CADPS2: variants seen among roughly 807,000 people sequenced by gnomAD.
CADPS2 encodes calcium dependent secretion activator 2.
In CADPS2, 93 loss-of-function variants were observed where a neutral mutation model predicts 172.5. The ratio of observed to expected loss-of-function variants is 0.54; its 90% CI spans 0.46 to 0.64. CADPS2 has a LOEUF of 0.64. Ranked by LOEUF, CADPS2 falls within the 30% of genes least tolerant of loss-of-function variation. The pLI, the probability that CADPS2 is intolerant of heterozygous loss-of-function variation, is 0.00. For synonymous variants in CADPS2, 546 were observed against 555.2 expected (o/e 0.98, Z 0.23); for missense variants, 1,420 against 1,565.9 (o/e 0.91, Z 1.57).
chr7:122,800,048 A>G (rs959739074), intron 1 of CADPS2, among the ~76,000 whole-genome samples: 4 of 152,244 alleles, frequency 2.6e-5, no homozygotes, highest in Non-Finnish European at 4.4e-5. Flanking sequence ...CAAACACTAC[A>G]TATGGCATAA....
chr7:122,656,104 T>C (rs2079744656), intron 3 of CADPS2, among the ~76,000 whole-genome samples: 1 of 152,166 alleles, frequency 6.6e-6, no homozygotes, highest in Non-Finnish European at 1.5e-5. Flanking sequence ...GAATATTTAC[T>C]TGTCTAGTAA....
rs149085189 is a variant in CADPS2, at chr7:122,383,044, C to T, written c.3313-3602G>A. 1.7e-3 allele frequency among the ~76,000 whole-genome samples: 255 copies of T among 152,176 alleles called. No homozygotes were observed. In the East Asian group the frequency reaches 0.029, roughly 18 times the overall value. ...ACCACTTGAACTTGTATGTTCATTG[C>T]CATGCTATTCACAGTAGCAAAGACA... On this transcript the variant is annotated intron_variant, in intron 24 of 29. Transcript: ENST00000449022.
At chr7:122,490,576 T>C (rs374926038) in intron 10 of CADPS2, among the ~76,000 whole-genome samples, 1 of 152,116 alleles carries the variant, frequency 6.6e-6, no homozygotes, top group South Asian at 2.1e-4. Context: ...CATAGCACAA[T>C]CTGATATTTC....
At chr7:122,497,958 T>C (rs2058880575) in intron 9 of CADPS2, among the ~76,000 whole-genome samples, 1 of 152,168 alleles carries the variant, frequency 6.6e-6, no homozygotes, top group Non-Finnish European at 1.5e-5. Flanking sequence ...AGTTCTCCTC[T>C]TGTAATTTGC....
chr7:122,635,893 A>T (rs1231991792), intron 3 of CADPS2, among the ~76,000 whole-genome samples: 1 of 151,348 alleles, frequency 6.6e-6, no homozygotes, highest in Non-Finnish European at 1.5e-5. Context: ...TTGGTTTCAA[A>T]TCTATTCTAT....
intron 14 of CADPS2, among the ~76,000 whole-genome samples, chr7:122,461,594 G>GTTGTT (rs1201009389): frequency 1.3e-5 from 2 of 151,988 alleles, no homozygotes; most frequent in Non-Finnish European, 1.5e-5. Context: ...CTTTTTTGTT[G>GTTGTT]TTGTTTTGTT....
intron 8 of CADPS2, among the ~76,000 whole-genome samples, chr7:122,549,632 A>T (rs1322961822): frequency 6.6e-6 from 1 of 150,496 alleles, no homozygotes; most frequent in Non-Finnish European, 1.5e-5. Flanking sequence ...AAAAAAAAAG[A>T]TTAGTATTAA....
intron 14 of CADPS2, among the ~76,000 whole-genome samples, chr7:122,452,822 T>C (rs1287835846): frequency 6.6e-6 from 1 of 152,128 alleles, no homozygotes; most frequent in Non-Finnish European, 1.5e-5. Flanking sequence ...CAAAGAAAAA[T>C]AAATGCTTAA....
At chr7:122,612,030 C>T (rs1259732022) in intron 6 of CADPS2, among the ~76,000 whole-genome samples, 1 of 151,904 alleles carries the variant, frequency 6.6e-6, no homozygotes, top group Admixed American at 6.6e-5. Flanking sequence ...TAAAAACAGT[C>T]AATAAACTAG....
At chr7:122,704,484 AC>A (rs2086673361) in intron 2 of CADPS2, among the ~76,000 whole-genome samples, 2 of 152,088 alleles carry the variant, frequency 1.3e-5, no homozygotes, top group African/African-American at 4.8e-5. Flanking sequence ...TGATTATTTA[AC>A]CTTTGGAAGT....
chr7:122,868,563 T>A (rs933083219), intron 1 of CADPS2, among the ~76,000 whole-genome samples: 2 of 152,138 alleles, frequency 1.3e-5, no homozygotes, highest in Non-Finnish European at 2.9e-5. Context: ...GCTTAGAATA[T>A]AGAATCCCTG....
chr7:122,820,346 C>T (rs1242992801), intron 1 of CADPS2, among the ~76,000 whole-genome samples: 1 of 152,046 alleles, frequency 6.6e-6, no homozygotes, highest in East Asian at 1.9e-4. Flanking sequence ...TCATCTGTTA[C>T]CTATCTTGGC....
chr7:122,599,475 C>T (rs2072414270), intron 6 of CADPS2, among the ~76,000 whole-genome samples: 1 of 151,952 alleles, frequency 6.6e-6, no homozygotes, highest in Admixed American at 6.6e-5. Context: ...AAGTCTCTGG[C>T]TAAGGAATCC....
At chr7:122,636,032 G>A (rs1451463597) in intron 3 of CADPS2, among the ~76,000 whole-genome samples, 2 of 152,114 alleles carry the variant, frequency 1.3e-5, no homozygotes, top group African/African-American at 4.8e-5. Flanking sequence ...CAGACAGTTG[G>A]TTCTTGTCTT....
chr7:122,837,949 T>C (rs1809069986), intron 1 of CADPS2, among the ~76,000 whole-genome samples: 1 of 152,160 alleles, frequency 6.6e-6, no homozygotes, highest in Non-Finnish European at 1.5e-5. Context: ...ATCATCCTGA[T>C]ACCAAAGCCT....
chr7:122,676,968 T>C (rs946692466), intron 2 of CADPS2, among the ~76,000 whole-genome samples: 1 of 152,220 alleles, frequency 6.6e-6, no homozygotes, highest in African/African-American at 2.4e-5. Context: ...CTTCCATTTC[T>C]TTCAAGAACA....
intron 15 of CADPS2, 97 bp downstream of exon 15, chr7:122,451,277 G>A: frequency 1.9e-6 from 1 of 514,128 alleles, no homozygotes; most frequent in Non-Finnish European, 3.2e-6. Flanking sequence ...TGATGATCTT[G>A]AGCGCTAGTA....
At chr7:122,429,034 A>T (rs2049543981) in intron 17 of CADPS2, among the ~76,000 whole-genome samples, 1 of 152,122 alleles carries the variant, frequency 6.6e-6, no homozygotes, top group Admixed American at 6.6e-5. Flanking sequence ...TAAGAAAAAC[A>T]ACCAGTGTTT....
intron 2 of CADPS2, among the ~76,000 whole-genome samples, chr7:122,727,760 T>C (rs2091253544): frequency 6.6e-6 from 1 of 151,946 alleles, no homozygotes; most frequent in Non-Finnish European, 1.5e-5. Flanking sequence ...CCAGATATTG[T>C]ATACAACAAT....
Sources: allele counts gnomAD v4.1 joint callset (sites outside exome capture counted in the v4.1 genomes callset), GRCh38; gene constraint gnomAD v4.1.1; transcripts MANE v1.5; gene names NCBI Gene and HGNC (gene_info 2026-07-23, HGNC 2026-07-21).